The following AKR1B15 variants were observed in gnomAD, a reference collection of about 807,000 sequenced individuals.
AKR1B15 encodes the protein estradiol 17-beta-dehydrogenase AKR1B15.
AKR1B15 carries 49 observed loss-of-function variants against 38.5 expected under a neutral mutation model. That is an observed-to-expected ratio of 1.27 (90% CI 1.01 to 1.62). AKR1B15 has a LOEUF of 1.62. Among genes scored for constraint, AKR1B15 ranks in the 40% most tolerant of loss-of-function variants. AKR1B15 has a pLI of 0.00. For missense variants in AKR1B15, 411 were observed against 381.6 expected (o/e 1.08, Z -0.64); for synonymous variants, 137 against 135.5 (o/e 1.01, Z -0.08).
At chr7:134,574,821 G>A (rs1162798457) in intron 6 of AKR1B15, among the ~76,000 whole-genome samples, 5 of 152,206 alleles carry the variant, frequency 3.3e-5, no homozygotes, top group Admixed American at 1.3e-4. Flanking sequence ...AGTGGGTCAG[G>A]TTTTAGCCCC....
chr7:134,551,425 G>C (rs1227283163), intron 1 of AKR1B15, among the ~76,000 whole-genome samples: 2 of 152,090 alleles, frequency 1.3e-5, no homozygotes, highest in African/African-American at 4.8e-5. Flanking sequence ...CTCACTGATG[G>C]AGTCTGTGCT....
At position 134,568,184 on chromosome 7, in the gene AKR1B15, G is replaced by A. The variant is rs185318158; in HGVS notation, c.177G>A (p.Ala59=). The A allele has an allele frequency of 6.9e-4, 1,114 of 1,614,060 alleles. 4 individuals are homozygous for A. Among genetic ancestry groups the A allele is most frequent in the South Asian group, 1.6e-3 (145 of 91,072 alleles). Residue 59 remains alanine (A), a synonymous_variant, in exon 4 of 12, where the codon GCG becomes GCA. Transcript: ENST00000457545. ...CTCTTCTCGGCAAAGTGAAAGAAGCGGTGAAGGTGGCCATTGATGCAGAAT... is the reference window on the plus strand; with the variant it reads ...CTCTTCTCGGCAAAGTGAAAGAAGCAGTGAAGGTGGCCATTGATGCAGAAT... ...PASLLGKVKE[A]VKVAIDAEYR...
At chr7:134,574,560 T>C (rs947041496) in intron 6 of AKR1B15, among the ~76,000 whole-genome samples, 3 of 152,194 alleles carry the variant, frequency 2.0e-5, no homozygotes, top group African/African-American at 4.8e-5. Context: ...AGCACTTTAA[T>C]TGGACTGTAA....
intron 2 of AKR1B15, among the ~76,000 whole-genome samples, chr7:134,560,650 A>C (rs1401649763): frequency 6.6e-6 from 1 of 152,240 alleles, no homozygotes; most frequent in Non-Finnish European, 1.5e-5. Context: ...TCACATGAAA[A>C]TGGTCAGAAT....
At chr7:134,557,902 G>A (rs1198253169) in intron 2 of AKR1B15, among the ~76,000 whole-genome samples, 1 of 152,130 alleles carries the variant, frequency 6.6e-6, no homozygotes, top group Non-Finnish European at 1.5e-5. Context: ...CAATAAAATA[G>A]CAAAACAAGT....
At chr7:134,564,464 T>C in intron 2 of AKR1B15, 134 bp from the exon 3 acceptor site, 1 of 470,342 alleles carries the variant, frequency 2.1e-6, no homozygotes, top group South Asian at 3.5e-5. Context: ...GCAATGCCTT[T>C]CTAATTCTTA....
At position 134,552,574 on chromosome 7, in the gene AKR1B15, C is replaced by T. The variant is rs185115163; in HGVS notation, c.-147+3325C>T. ...ATCGCCTGGAATATTCCATTTTTGC[C>T]GGTCCAGAAACCCGGAACAAATGAT... is the stretch of plus-strand genomic sequence containing the variant. On this transcript the variant is annotated intron_variant, in intron 1 of 11. Transcript: ENST00000457545. Among the ~76,000 whole-genome samples, 91 of 152,178 alleles carry T rather than the reference C, an allele frequency of 6.0e-4. No individual in the cohort carries two copies. The East Asian group carries it at 0.012, about 19-fold the overall frequency.
rs759928163 is a variant in AKR1B15 at position 134,571,659 on chromosome 7, G to C, written c.491G>C (p.Gly164Ala). 5 of 1,613,592 alleles carry C rather than the reference G, an allele frequency of 3.1e-6. No homozygotes were observed. Among genetic ancestry groups the C allele is most frequent in the Non-Finnish European group, 4.2e-6 (5 of 1,179,826 alleles). ...AAAGGTAATATGATCAGTGGAAAAG[G>C]AACGTTCTTGGATGCCTGGGAGGTA... ...DDKGNMISGK[G>A]TFLDAWEAME... Residue 164 changes from glycine to alanine, a missense_variant, in exon 6 of 12, where the codon GGA becomes GCA. Gly to Ala is a moderately conservative substitution (Grantham distance 60, BLOSUM62 0). This residue lies in a region of AKR1B15 where 254 missense variants were observed against 212.4 expected (regional missense o/e 1.20). Coordinates refer to ENST00000457545, the MANE Select transcript of AKR1B15 (RefSeq NM_001080538.3).
chr7:134,574,873 A>G (rs1036172413), intron 6 of AKR1B15, among the ~76,000 whole-genome samples: 6 of 152,180 alleles, frequency 3.9e-5, no homozygotes, highest in Non-Finnish European at 8.8e-5. Context: ...GGCGTAATTT[A>G]TATGCATGAC....
In AKR1B15 at chr7:134,568,327, T is replaced by G; in HGVS notation, c.318+2T>G. On this transcript the variant is annotated splice_donor_variant, in intron 4 of 11. Coordinates refer to ENST00000457545, the MANE Select transcript of AKR1B15 (RefSeq NM_001080538.3). LOFTEE classifies it high-confidence loss of function. ...GAGGACCTGTTCATCGTCAGCAAGG[T>G]GCACATGGCGCATTTGGTGGGAGGC... 6.2e-7 allele frequency: 1 copy of G among 1,613,668 alleles called. No homozygotes were observed. Among genetic ancestry groups the G allele is most frequent in the Non-Finnish European group, 8.5e-7 (1 of 1,179,674 alleles).
At chr7:134,573,765 A>G (rs1423371124) in intron 6 of AKR1B15, among the ~76,000 whole-genome samples, 2 of 152,328 alleles carry the variant, frequency 1.3e-5, no homozygotes, top group East Asian at 3.9e-4. Context: ...AATTTGAATA[A>G]CTTAATCTAT....
In AKR1B15 at chr7:134,562,023, G is replaced by A. The variant is rs184336920; in HGVS notation, c.-22-2575G>A. Among the ~76,000 whole-genome samples the A allele has an allele frequency of 4.4e-4, 67 of 152,058 alleles. 1 individual carries two copies. The highest frequency in any genetic ancestry group is 3.7e-3 in the Admixed American group (57 of 15,282). ...CTTTTACACAGGGTCTCACTGTGTCGCCCAGGCTGGAGTGCAGTGGCACAA... is the reference window on the plus strand; with the variant it reads ...CTTTTACACAGGGTCTCACTGTGTCACCCAGGCTGGAGTGCAGTGGCACAA... On this transcript the variant is annotated intron_variant, in intron 2 of 11. Transcript: ENST00000457545.
At position 134,568,785 on chromosome 7, in the gene AKR1B15, T is replaced by G. The variant is rs186157104; in HGVS notation, c.318+460T>G. Among the ~76,000 whole-genome samples, 69 of 152,088 alleles carry G rather than the reference T, an allele frequency of 4.5e-4. No homozygotes were observed. The East Asian group carries it at 0.012, about 27-fold the overall frequency. On this transcript the variant is annotated intron_variant, in intron 4 of 11. Transcript: ENST00000457545. ...ATTCAGTCTAGTAAAAGTTGAGGTA[T>G]ACAATGTTATAAAAAAAGAAAAGGA...
chr7:134,553,026 G>A (rs1206706123), intron 1 of AKR1B15, among the ~76,000 whole-genome samples: 1 of 148,018 alleles, frequency 6.8e-6, no homozygotes, highest in Non-Finnish European at 1.5e-5. Flanking sequence ...TCAGGAATTC[G>A]GGTATCAGGT....
chr7:134,564,856 G>C (rs1794498067), intron 3 of AKR1B15, 87 bp downstream of exon 3: 8 of 525,662 alleles, frequency 1.5e-5, no homozygotes, highest in Non-Finnish European at 2.4e-5. Flanking sequence ...GAAGCCAGCT[G>C]GACTTCCTGG....
chr7:134,550,052 C>G (rs938739642), intron 1 of AKR1B15, among the ~76,000 whole-genome samples: 1 of 152,108 alleles, frequency 6.6e-6, no homozygotes, highest in African/African-American at 2.4e-5. Flanking sequence ...TTTGGATTGC[C>G]ATACCCCACG....
intron 1 of AKR1B15, among the ~76,000 whole-genome samples, chr7:134,554,053 A>C (rs1794097979): frequency 6.6e-6 from 1 of 152,238 alleles, no homozygotes. Flanking sequence ...GCTACTGTAC[A>C]TGTACACAGA....
chr7:134,555,205 G>A (rs1247521368), intron 1 of AKR1B15, among the ~76,000 whole-genome samples: 1 of 152,100 alleles, frequency 6.6e-6, no homozygotes, highest in Non-Finnish European at 1.5e-5. Flanking sequence ...ACATCATCCA[G>A]CTGCTTGTCA....
chr7:134,568,348 G>A, intron 4 of AKR1B15, 23 bp downstream of exon 4: 1 of 1,612,512 alleles, frequency 6.2e-7, no homozygotes, highest in Non-Finnish European at 8.5e-7. Flanking sequence ...CATTTGGTGG[G>A]AGGCCTTCAC....
Sources: gnomAD v4.1 joint callset for allele counts (sites outside exome capture counted in the v4.1 genomes callset) on GRCh38, gnomAD v4.1.1 for gene constraint, gnomAD v4.1.1 regional missense constraint, MANE v1.5 for transcripts, NCBI Gene and HGNC (gene_info 2026-07-23, HGNC 2026-07-21) for gene names.